The following RBM6 variants were observed in gnomAD, a reference collection of about 807,000 sequenced individuals.
RBM6 encodes RNA binding motif protein 6, also known as RNA-binding protein 6.
RBM6 carries 23 observed loss-of-function variants against 140.4 expected under a neutral mutation model. The observed-to-expected ratio is 0.16, with a 90% CI of 0.12 to 0.23. The LOEUF (loss-of-function observed/expected upper bound fraction) is 0.23, where lower values mean the gene tolerates loss of function less well. Ranked by LOEUF, RBM6 falls within the 10% of genes least tolerant of loss-of-function variation. The pLI, the probability that RBM6 is intolerant of heterozygous loss-of-function variation, is 1.00. For synonymous variants in RBM6, 439 were observed against 475.6 expected, an observed-to-expected ratio of 0.92 and a Z score of 1.00; for missense variants, 1,139 against 1,386.7, an observed-to-expected ratio of 0.82 and a Z score of 2.84.
At chr3:49,943,885 T>C (rs1347046472) in intron 1 of RBM6, among the ~76,000 whole-genome samples, 1 of 152,196 alleles carries the variant, frequency 6.6e-6, no homozygotes, top group Non-Finnish European at 1.5e-5. Flanking sequence ...CAACACTTAT[T>C]TTCTGTTTTT....
At chr3:50,017,922 G>A (rs894586097) in intron 6 of RBM6, among the ~76,000 whole-genome samples, 1 of 152,130 alleles carries the variant, frequency 6.6e-6, no homozygotes, top group African/African-American at 2.4e-5. Flanking sequence ...CTTACATGAA[G>A]CTATGAACAG....
At position 49,967,787 on chromosome 3, in the gene RBM6, A is replaced by G; in HGVS notation, c.362A>G (p.His121Arg). ...TTGGACTTCAGGGGTAGGGACATAC[A>G]TTCTGGGGATTTTCGGGATAGAGAA... ...SQLDFRGRDI[H>R]SGDFRDREGP... The change falls in exon 3 of 21, where the codon CAT (histidine) becomes CGT (arginine). Residue 121 changes from histidine (H) to arginine (R), a missense_variant. By Grantham distance (29) the His-to-Arg change is conservative. Transcript: ENST00000266022. This position sits in a 1 kb window ranked among gnomAD's most constrained non-coding sequence, Gnocchi z 4.0. 2 of 1,614,052 alleles carry G rather than the reference A, an allele frequency of 1.2e-6. No individual in the cohort carries two copies. The highest frequency in any genetic ancestry group is 1.7e-6 in the Non-Finnish European group (2 of 1,180,006).
At chr3:50,041,554 A>G (rs2088921323) in intron 6 of RBM6, among the ~76,000 whole-genome samples, 1 of 152,210 alleles carries the variant, frequency 6.6e-6, no homozygotes, top group African/African-American at 2.4e-5. Flanking sequence ...ATAAAAAGTA[A>G]TCTTTTATAC....
intron 15 of RBM6, among the ~76,000 whole-genome samples, chr3:50,064,029 G>A (rs1304403373): frequency 6.6e-6 from 1 of 151,596 alleles, no homozygotes; most frequent in Non-Finnish European, 1.5e-5. Flanking sequence ...CGCCTTCCAG[G>A]CTCAAGGGAT....
At chr3:49,972,506 A>G (rs2084846823) in intron 4 of RBM6, among the ~76,000 whole-genome samples, 1 of 152,234 alleles carries the variant, frequency 6.6e-6, no homozygotes, top group African/African-American at 2.4e-5. Flanking sequence ...TTTATTTACA[A>G]TAGTAAAAAC....
intron 6 of RBM6, among the ~76,000 whole-genome samples, chr3:50,003,162 T>A (rs181550512): frequency 1.3e-5 from 2 of 151,590 alleles, no homozygotes; most frequent in East Asian, 3.9e-4. Flanking sequence ...AAAATAAATA[T>A]TTGTGGAAGA....
Position 50,015,187 on chromosome 3 carries a change from AC to A in RBM6, c.1557+15680del, listed in dbSNP as rs1176963374. Among the ~76,000 whole-genome samples the A allele has an allele frequency of 8.9e-5, 13 of 145,790 alleles. No individual in the cohort carries two copies. In the East Asian group the frequency reaches 2.6e-3, roughly 30 times the overall value. On this transcript the variant is annotated intron_variant, in intron 6 of 20. Coordinates refer to ENST00000266022, the MANE Select transcript of RBM6 (RefSeq NM_005777.3). ...AGTAGCACCATCTTGGCTCACTGCA[AC>A]CCCCCGCCTGCCAGGTTCAAGTGGT...
intron 11 of RBM6, among the ~76,000 whole-genome samples, chr3:50,060,571 C>A (rs2089895937): frequency 1.5e-5 from 2 of 135,622 alleles, no homozygotes; most frequent in Admixed American, 7.9e-5. Flanking sequence ...CACGGTAAAA[C>A]CCCGTCTCTA....
intron 1 of RBM6, among the ~76,000 whole-genome samples, chr3:49,961,889 C>G (rs1279377463): frequency 6.6e-6 from 1 of 151,844 alleles, no homozygotes; most frequent in Non-Finnish European, 1.5e-5. Context: ...GATGCGGTGG[C>G]TCATGCCTGT....
intron 10 of RBM6, 70 bp from the exon 11 acceptor site, chr3:50,059,579 A>G (rs2089854866): frequency 7.8e-7 from 1 of 1,285,096 alleles, no homozygotes; most frequent in Non-Finnish European, 1.1e-6. Flanking sequence ...TTCTCTTTCA[A>G]AGGAGAATTT....
At chr3:50,015,593 G>A (rs565199275) in intron 6 of RBM6, among the ~76,000 whole-genome samples, 110 of 151,620 alleles carry the variant, frequency 7.3e-4, no homozygotes, top group African/African-American at 2.5e-3. Context: ...ACCACGCCCG[G>A]CTAATTTTTT....
intron 5 of RBM6, among the ~76,000 whole-genome samples, chr3:49,989,559 T>G (rs1393995907): frequency 6.6e-6 from 1 of 151,796 alleles, no homozygotes; most frequent in Non-Finnish European, 1.5e-5. Context: ...GCCACAAGAG[T>G]GAAACTGTCT....
intron 5 of RBM6, among the ~76,000 whole-genome samples, chr3:49,980,968 T>C (rs957961572): frequency 2.0e-5 from 3 of 151,672 alleles, no homozygotes; most frequent in Non-Finnish European, 2.9e-5. Context: ...AGTGGCGCGA[T>C]ATCGGCTCAC....
intron 1 of RBM6, 73 bp from the exon 2 acceptor site, chr3:49,962,503 C>A: frequency 1.4e-6 from 1 of 713,426 alleles, no homozygotes; most frequent in Non-Finnish European, 2.4e-6. Context: ...CCTCATAAAC[C>A]AAGCAGTGGG....
chr3:49,959,312 G>A (rs1221184213), intron 1 of RBM6, among the ~76,000 whole-genome samples: 6 of 140,460 alleles, frequency 4.3e-5, no homozygotes, highest in South Asian at 2.3e-4. Flanking sequence ...CCTCAGCCTC[G>A]TGAGTAGCTG....
Position 50,064,894 on chromosome 3 carries a change from G to A in RBM6, c.2587-137G>A, listed in dbSNP as rs116563987. On this transcript the variant is annotated intron_variant, in intron 15 of 20. Transcript: ENST00000266022. Reference sequence around the variant, plus strand: ...TCACTGCATTAGCCAGGGTGGTCTCGATCTCCTGACGTTGTGATCCACCTG... The same window carrying A: ...TCACTGCATTAGCCAGGGTGGTCTCAATCTCCTGACGTTGTGATCCACCTG... The A allele has an allele frequency of 9.9e-4, 625 of 631,214 alleles. 3 individuals carry two copies. The African/African-American group carries it at 0.011, about 11-fold the overall frequency. The allele number at this position is 631,214 out of a possible 1,614,324, so 39.1% of individuals were successfully genotyped here.
intron 6 of RBM6, among the ~76,000 whole-genome samples, chr3:50,030,292 A>T (rs1223704219): frequency 1.7e-5 from 1 of 57,550 alleles, no homozygotes; most frequent in Admixed American, 2.5e-4. Context: ...GTCTTAAAAA[A>T]AAAAAAAAAA....
At chr3:50,043,919 T>C (rs985952638) in intron 6 of RBM6, among the ~76,000 whole-genome samples, 11 of 137,196 alleles carry the variant, frequency 8.0e-5, no homozygotes, top group African/African-American at 2.5e-4. Flanking sequence ...AGTCTCACTC[T>C]GTCACCCAGG....
At chr3:49,947,262 A>G (rs914639516) in intron 1 of RBM6, among the ~76,000 whole-genome samples, 12 of 60,030 alleles carry the variant, frequency 2.0e-4, no homozygotes, top group East Asian at 1.5e-3. Context: ...AAAAAAAAAA[A>G]GGGGGGGGGG....
Sources: allele counts gnomAD v4.1 joint callset (sites outside exome capture counted in the v4.1 genomes callset), GRCh38; gene constraint gnomAD v4.1.1; non-coding constraint Gnocchi (gnomAD v3.1); transcripts MANE v1.5; gene names NCBI Gene and HGNC (gene_info 2026-07-23, HGNC 2026-07-21).